Variants in CRTAC1 observed in about 807,000 individuals in gnomAD.
CRTAC1 encodes cartilage acidic protein 1.
In CRTAC1, 37 loss-of-function variants were observed where a neutral mutation model predicts 67.8. That is an observed-to-expected ratio of 0.55 (90% confidence interval 0.42 to 0.72). The LOEUF (loss-of-function observed/expected upper bound fraction) is 0.72, where lower values mean the gene tolerates loss of function less well. Among genes scored for constraint, CRTAC1 ranks in the 30% least tolerant of loss-of-function variants. CRTAC1 has a pLI of 0.00. For missense variants in CRTAC1, 780 were observed against 931.6 expected (o/e 0.84, Z 2.12); for synonymous variants, 348 against 371.0 (o/e 0.94, Z 0.71).
intron 5 of CRTAC1, among the ~76,000 whole-genome samples, chr10:97,915,903 C>A (rs904379137): frequency 4.6e-5 from 7 of 152,160 alleles, no homozygotes; most frequent in Non-Finnish European, 1.5e-5. Context: ...CTGCTTCTTC[C>A]TTGAACTGCC....
rs1371195901 is a variant in CRTAC1, at chr10:97,895,421, G to C, written c.1318-8C>G. The C allele has an allele frequency of 1.3e-6, 2 of 1,585,176 alleles. No homozygotes were observed. Among genetic ancestry groups the C allele is most frequent in the Non-Finnish European group, 1.7e-6 (2 of 1,166,926 alleles). ...CCAGTTGTTGTTGAAGCCCTGCAGA[G>C]AGGGTGAGAGGCAGACACCCGGTGG... On this transcript the variant is annotated splice_region_variant and splice_polypyrimidine_tract_variant and intron_variant, in intron 10 of 14. Coordinates refer to ENST00000370597, the MANE Select transcript of CRTAC1 (RefSeq NM_018058.7). The surrounding 1 kb of genome is among the most constrained non-coding windows in gnomAD (Gnocchi z 4.2).
intron 14 of CRTAC1, 76 bp downstream of exon 14, chr10:97,880,173 T>G (rs2050193029): frequency 6.5e-7 from 1 of 1,530,812 alleles, no homozygotes; most frequent in East Asian, 2.3e-5. Context: ...GGGACCTTGA[T>G]CTGGGGCCTA....
At chr10:97,873,888 C>T (rs560432935) in intron 14 of CRTAC1, among the ~76,000 whole-genome samples, 1 of 152,328 alleles carries the variant, frequency 6.6e-6, no homozygotes, top group South Asian at 2.1e-4. Context: ...GCACTCGGGA[C>T]CCCCATTCAG....
intron 2 of CRTAC1, among the ~76,000 whole-genome samples, chr10:97,950,056 G>A (rs2051326427): frequency 6.6e-6 from 1 of 152,080 alleles, no homozygotes; most frequent in Non-Finnish European, 1.5e-5. Flanking sequence ...ATGGAGTTCT[G>A]GTCTATATTT....
At chr10:97,905,175 G>T (rs1192054053) in intron 6 of CRTAC1, among the ~76,000 whole-genome samples, 2 of 152,112 alleles carry the variant, frequency 1.3e-5, no homozygotes, top group Non-Finnish European at 2.9e-5. Flanking sequence ...ACATTAAGCT[G>T]ATCATGCCAC....
chr10:98,018,196 C>T (rs1285474839), intron 1 of CRTAC1, among the ~76,000 whole-genome samples: 1 of 85,780 alleles, frequency 1.2e-5, no homozygotes, highest in Non-Finnish European at 2.0e-5. Flanking sequence ...AGCAAGATGC[C>T]CGCAAAAAAA....
chr10:97,925,246 G>A (rs2050895669), intron 3 of CRTAC1, among the ~76,000 whole-genome samples: 1 of 152,202 alleles, frequency 6.6e-6, no homozygotes, highest in African/African-American at 2.4e-5. Flanking sequence ...ACTCCAGCCT[G>A]GGTGACAGAA....
At chr10:97,946,865 G>A (rs537114617) in intron 2 of CRTAC1, among the ~76,000 whole-genome samples, 6 of 152,258 alleles carry the variant, frequency 3.9e-5, no homozygotes, top group Non-Finnish European at 7.4e-5. Context: ...CTAGGTTCTC[G>A]AAACGGTCTG....
Position 97,895,856 on chromosome 10 carries a change from G to A in CRTAC1, c.1317+29C>T. The A allele has an allele frequency of 1.3e-6, 2 of 1,581,094 alleles. No homozygotes were observed. The highest frequency in any genetic ancestry group is 1.7e-6 in the Non-Finnish European group (2 of 1,150,820). On this transcript the variant is annotated intron_variant, in intron 10 of 14. Transcript: ENST00000370597. The surrounding 1 kb of genome is among the most constrained non-coding windows in gnomAD (Gnocchi z 4.2). ...GGTACCCGAGAGCACACAGGGCTGGGATCTGTGGCTCCTGAGGTCTTAGCG... is the reference window on the plus strand; with the variant it reads ...GGTACCCGAGAGCACACAGGGCTGGAATCTGTGGCTCCTGAGGTCTTAGCG...
In CRTAC1 at chr10:97,979,142, T is replaced by C. The variant is rs1483829547; in HGVS notation, c.224+31996A>G. 3.3e-5 allele frequency among the ~76,000 whole-genome samples: 5 copies of C among 152,156 alleles called. No individual in the cohort carries two copies. In the East Asian group the frequency reaches 5.8e-4, roughly 18 times the overall value. On this transcript the variant is annotated intron_variant, in intron 2 of 14. Transcript: ENST00000370597. ...CAGAGAAGTTCTTGCTCCAGAGCACTATTTTGCACTGGCCAGGAAGCAGGG... is the reference window on the plus strand; with the variant it reads ...CAGAGAAGTTCTTGCTCCAGAGCACCATTTTGCACTGGCCAGGAAGCAGGG...
intron 2 of CRTAC1, among the ~76,000 whole-genome samples, chr10:97,984,910 A>G (rs1317738522): frequency 6.6e-6 from 1 of 152,246 alleles, no homozygotes; most frequent in Non-Finnish European, 1.5e-5. Flanking sequence ...ACCTTCTGAC[A>G]GCCTAGCTCT....
intron 2 of CRTAC1, among the ~76,000 whole-genome samples, chr10:97,942,129 T>C (rs897126565): frequency 2.6e-5 from 4 of 152,216 alleles, no homozygotes; most frequent in East Asian, 1.9e-4. Context: ...ATCTCCCTCA[T>C]TGGTATTCTC....
In CRTAC1 at chr10:98,011,140, C is replaced by G. The variant is rs140331049; in HGVS notation, c.222G>C (p.Ala74=). 2 of 1,613,796 alleles carry G rather than the reference C, an allele frequency of 1.2e-6. No homozygotes were observed. Among genetic ancestry groups the G allele is most frequent in the Non-Finnish European group, 1.7e-6 (2 of 1,179,698 alleles). Reference sequence around the variant, plus strand: ...CACTGAGGGTGGGAGGCACTTACCCCGCCACGACGATCTCAAAGTCCCCAT... The same window carrying G: ...CACTGAGGGTGGGAGGCACTTACCCGGCCACGACGATCTCAAAGTCCCCAT... ...DHDGDFEIVV[A]GYNGPNLVLK... The change falls in exon 2 of 15, where the codon GCG becomes GCC. Residue 74 remains alanine (A), a splice_region_variant and synonymous_variant. Transcript: ENST00000370597.
intron 1 of CRTAC1, among the ~76,000 whole-genome samples, chr10:98,027,404 C>A (rs1270348183): frequency 1.3e-5 from 2 of 152,160 alleles, no homozygotes; most frequent in African/African-American, 2.4e-5. Context: ...TAGGCAAATA[C>A]TCTTTGGAAA....
chr10:97,902,748 T>G (rs2050559358), intron 7 of CRTAC1, among the ~76,000 whole-genome samples: 2 of 152,154 alleles, frequency 1.3e-5, no homozygotes, highest in South Asian at 4.2e-4. Context: ...TTGGGCCTGC[T>G]CTCGGCCTCC....
intron 2 of CRTAC1, among the ~76,000 whole-genome samples, chr10:97,985,214 T>C (rs2051960700): frequency 6.6e-6 from 1 of 152,166 alleles, no homozygotes; most frequent in Non-Finnish European, 1.5e-5. Context: ...AATGACAAAT[T>C]TGAACCATAG....
In CRTAC1 at chr10:97,975,977, C is replaced by T. The variant is rs901484536; in HGVS notation, c.224+35161G>A. ...TTCGGGCCCCTATAGAGACCACTGA[C>T]GTGGAGCCCCCAAACCCAGAGGAAG... On this transcript the variant is annotated intron_variant, in intron 2 of 14. Transcript: ENST00000370597. This position sits in a 1 kb window ranked among gnomAD's most constrained non-coding sequence, Gnocchi z 4.8. Among the ~76,000 whole-genome samples, 3 of 152,182 alleles carry T rather than the reference C, an allele frequency of 2.0e-5. No individual in the cohort carries two copies. The highest frequency in any genetic ancestry group is 2.9e-5 in the Non-Finnish European group (2 of 68,028).
At chr10:97,999,028 T>C (rs914081324) in intron 2 of CRTAC1, among the ~76,000 whole-genome samples, 2 of 152,226 alleles carry the variant, frequency 1.3e-5, no homozygotes, top group Non-Finnish European at 2.9e-5. Flanking sequence ...CTTCTGATGA[T>C]GGCAGAGACA....
chr10:98,013,126 G>A (rs372955390), intron 1 of CRTAC1, among the ~76,000 whole-genome samples: 2 of 152,292 alleles, frequency 1.3e-5, no homozygotes, highest in East Asian at 3.9e-4. Context: ...ACTTTTCAAG[G>A]GATGACCTCT....
Sources: allele counts gnomAD v4.1 joint callset (sites outside exome capture counted in the v4.1 genomes callset), GRCh38; gene constraint gnomAD v4.1.1; non-coding constraint Gnocchi (gnomAD v3.1); transcripts MANE v1.5; gene names NCBI Gene and HGNC (gene_info 2026-07-23, HGNC 2026-07-21).